The following NLGN1 variants were observed in gnomAD, a reference collection of about 807,000 sequenced individuals.
NLGN1 encodes the protein neuroligin-1.
Under a neutral mutation model 65.5 loss-of-function variants are expected in NLGN1, and 12 were observed. The ratio of observed to expected loss-of-function variants is 0.18; its 90% CI spans 0.12 to 0.30. The LOEUF is 0.30. NLGN1 is among the 10% of genes least tolerant of loss of function. The pLI, the probability that NLGN1 is intolerant of heterozygous loss-of-function variation, is 1.00. For missense variants in NLGN1, 750 were observed against 1,007.1 expected (o/e 0.74, Z 3.46); for synonymous variants, 350 against 359.5 (o/e 0.97, Z 0.30).
chr3:174,246,906 A>T (rs772747004), intron 4 of NLGN1, among the ~76,000 whole-genome samples: 15 of 152,194 alleles, frequency 9.9e-5, no homozygotes, highest in Non-Finnish European at 1.6e-4. Flanking sequence ...TAGGAATTTG[A>T]CAAGTAAATT....
chr3:173,490,427 A>G (rs1576944208), intron 2 of NLGN1, among the ~76,000 whole-genome samples: 2 of 151,822 alleles, frequency 1.3e-5, no homozygotes, highest in South Asian at 4.1e-4. Flanking sequence ...TATTTCTGAG[A>G]GCTCTGTTCT....
At chr3:174,078,422 CTA>C (rs1360676472) in intron 4 of NLGN1, among the ~76,000 whole-genome samples, 3 of 152,106 alleles carry the variant, frequency 2.0e-5, no homozygotes, top group African/African-American at 4.8e-5. Context: ...GAAATTTAGA[CTA>C]GATTGTTTCT....
intron 2 of NLGN1, among the ~76,000 whole-genome samples, chr3:173,539,035 C>A (rs1316818119): frequency 1.3e-5 from 2 of 152,096 alleles, no homozygotes; most frequent in East Asian, 3.9e-4. Flanking sequence ...TCTGACCATA[C>A]CTCCTTACAA....
At chr3:174,079,091 TCAAA>T (rs1424068929) in intron 4 of NLGN1, among the ~76,000 whole-genome samples, 5 of 151,994 alleles carry the variant, frequency 3.3e-5, no homozygotes, top group African/African-American at 9.7e-5. Flanking sequence ...GTATATACTC[TCAAA>T]CAGACAACCT....
At chr3:173,993,897 C>T (rs573376095) in intron 4 of NLGN1, among the ~76,000 whole-genome samples, 1 of 151,566 alleles carries the variant, frequency 6.6e-6, no homozygotes. Context: ...TATACATATA[C>T]ACACACATAT....
chr3:173,545,754 C>T (rs1203389291), intron 2 of NLGN1, among the ~76,000 whole-genome samples: 1 of 152,100 alleles, frequency 6.6e-6, no homozygotes, highest in Admixed American at 6.6e-5. Flanking sequence ...CCGTGGAATA[C>T]TATGCAACCA....
intron 4 of NLGN1, among the ~76,000 whole-genome samples, chr3:173,976,542 T>C (rs1346178110): frequency 6.6e-6 from 1 of 152,098 alleles, no homozygotes; most frequent in Non-Finnish European, 1.5e-5. Flanking sequence ...ATTCTCTGGT[T>C]CTCAGTCAGC....
At chr3:173,944,863 A>T (rs1746865391) in intron 4 of NLGN1, among the ~76,000 whole-genome samples, 1 of 152,140 alleles carries the variant, frequency 6.6e-6, no homozygotes, top group Admixed American at 6.5e-5. Context: ...AGTAATCATG[A>T]TTTGTATAAA....
intron 1 of NLGN1, among the ~76,000 whole-genome samples, chr3:173,399,174 GA>G (rs1015826872): frequency 3.3e-5 from 5 of 152,216 alleles, no homozygotes; most frequent in Non-Finnish European, 5.9e-5. Flanking sequence ...GATTCACAGA[GA>G]AAGTGGAAGT....
intron 1 of NLGN1, among the ~76,000 whole-genome samples, chr3:173,419,761 G>T (rs1018023364): frequency 5.3e-5 from 8 of 152,018 alleles, no homozygotes; most frequent in African/African-American, 1.9e-4. Flanking sequence ...AAGAGGTCAA[G>T]AGATCAAGAC....
intron 4 of NLGN1, among the ~76,000 whole-genome samples, chr3:173,978,963 C>G (rs1197918119): frequency 6.6e-6 from 1 of 151,434 alleles, no homozygotes; most frequent in East Asian, 1.9e-4. Context: ...CAAGATCATG[C>G]TACCACACTC....
At chr3:173,511,283 A>G (rs1285818615) in intron 2 of NLGN1, among the ~76,000 whole-genome samples, 1 of 152,118 alleles carries the variant, frequency 6.6e-6, no homozygotes, top group African/African-American at 2.4e-5. Context: ...ACTGAGGAGA[A>G]AGTAAAAAAG....
At chr3:173,708,238 T>A (rs946770606) in intron 3 of NLGN1, among the ~76,000 whole-genome samples, 1 of 152,188 alleles carries the variant, frequency 6.6e-6, no homozygotes, top group Non-Finnish European at 1.5e-5. Flanking sequence ...ACTTTTATAA[T>A]GACCCAGAAG....
intron 4 of NLGN1, among the ~76,000 whole-genome samples, chr3:173,927,126 T>C (rs942044941): frequency 6.6e-6 from 1 of 152,052 alleles, no homozygotes; most frequent in African/African-American, 2.4e-5. Context: ...TGCAGTGGCA[T>C]GATCTCGGCT....
chr3:173,604,623 C>A (rs78451018), exon 3 of NLGN1: 1 of 1,613,382 alleles, frequency 6.2e-7, no homozygotes, highest in African/African-American at 1.3e-5. Context: ...ATGCACGTGG[C>A]CAAATTATGT....
In NLGN1 at chr3:173,797,681, AAACAAC is replaced by A. The variant is rs199885807; in HGVS notation, c.494-9984_494-9979del. Among the ~76,000 whole-genome samples, 12 of 70,740 alleles carry A rather than the reference AAACAAC, an allele frequency of 1.7e-4. 1 individual carries two copies. Among genetic ancestry groups the A allele is most frequent in the African/African-American group, 5.0e-4 (11 of 22,162 alleles). The allele number at this position is 70,740 out of a possible 152,430, so 46.4% of individuals were successfully genotyped here. On this transcript the variant is annotated intron_variant, in intron 3 of 6. Coordinates refer to ENST00000457714, the Ensembl canonical transcript of NLGN1. ...CTAATGTAGCAAAAAACAAAAAATA[AAACAAC>A]AACAACAACAACAAAAAAAAACAAG...
chr3:173,804,121 G>C (rs916922075), intron 3 of NLGN1, among the ~76,000 whole-genome samples: 13 of 151,866 alleles, frequency 8.6e-5, no homozygotes, highest in African/African-American at 3.1e-4. Flanking sequence ...AGATAAAATA[G>C]GTACTAAAAT....
At chr3:174,259,931 G>T (rs1225047053) in intron 4 of NLGN1, among the ~76,000 whole-genome samples, 2 of 141,386 alleles carry the variant, frequency 1.4e-5, no homozygotes, top group African/African-American at 2.6e-5. Flanking sequence ...GAGAATATAC[G>T]GTGTTTGGTT....
intron 4 of NLGN1, among the ~76,000 whole-genome samples, chr3:174,203,050 T>C (rs1476266346): frequency 6.6e-6 from 1 of 152,158 alleles, no homozygotes; most frequent in East Asian, 1.9e-4. Flanking sequence ...CATTGAAAGG[T>C]ACCTGACCCA....
Sources: gnomAD v4.1 joint callset for allele counts (sites outside exome capture counted in the v4.1 genomes callset) on GRCh38, gnomAD v4.1.1 for gene constraint, MANE v1.5 for transcripts, NCBI Gene and HGNC (gene_info 2026-07-23, HGNC 2026-07-21) for gene names.